LRRC74A: variants seen among roughly 807,000 people sequenced by gnomAD.
LRRC74A encodes leucine-rich repeat-containing protein 74A.
In LRRC74A, 44 loss-of-function variants were observed where a neutral mutation model predicts 57.9. That is an observed-to-expected ratio of 0.76 (90% confidence interval 0.60 to 0.98). The LOEUF (loss-of-function observed/expected upper bound fraction) is 0.98, where lower values mean the gene tolerates loss of function less well. Among genes scored for constraint, LRRC74A ranks in the 50% least tolerant of loss-of-function variants. The probability of loss-of-function intolerance (pLI) is 0.00; values close to 1 mark genes in which losing one functional copy is unlikely to be tolerated. For synonymous variants in LRRC74A, 211 were observed against 219.4 expected (o/e 0.96, Z 0.34); for missense variants, 572 against 574.0 (o/e 1.00, Z 0.04).
chr14:76,852,483 C>T (rs758209970), intron 8 of LRRC74A, 33 bp downstream of exon 8: 1 of 1,514,422 alleles, frequency 6.6e-7, no homozygotes, highest in Non-Finnish European at 9.1e-7. Flanking sequence ...TGTGTGGAGC[C>T]CAGTTGAGGA....
intron 11 of LRRC74A, 78 bp from the exon 12 acceptor site, chr14:76,865,890 T>G: frequency 5.2e-6 from 6 of 1,152,424 alleles, no homozygotes; most frequent in South Asian, 1.3e-5. Flanking sequence ...GGGCCGCTCT[T>G]TTGTGGGAGG....
In LRRC74A at chr14:76,866,091, G is replaced by A. The variant is rs1242600107; in HGVS notation, c.1308+16G>A. On this transcript the variant is annotated intron_variant, in intron 12 of 13. Coordinates refer to ENST00000689127, the MANE Select transcript of LRRC74A (RefSeq NM_001385106.1). ...GATGATAGAGGTGTGCTGGGTCCTA[G>A]TGGCAACAGGCTGTGTGTGAGTGTG... 1 of 1,480,408 alleles carries A rather than the reference G, an allele frequency of 6.8e-7. No homozygotes were observed. The highest frequency in any genetic ancestry group is 2.3e-5 in the East Asian group (1 of 43,010). 91.7% of individuals were successfully genotyped at this position (1,480,408 alleles called of 1,614,324 possible).
At chr14:76,862,089 G>GT (rs773058165) in intron 11 of LRRC74A, among the ~76,000 whole-genome samples, 1 of 152,246 alleles carries the variant, frequency 6.6e-6, no homozygotes, top group Non-Finnish European at 1.5e-5. Context: ...CTGATGCAAA[G>GT]TGGGGACCCC....
At chr14:76,845,452 A>G (rs1897058542) in intron 7 of LRRC74A, among the ~76,000 whole-genome samples, 1 of 152,196 alleles carries the variant, frequency 6.6e-6, no homozygotes, top group Admixed American at 6.5e-5. Context: ...ACACAGAAAC[A>G]ACTAACAACT....
At chr14:76,829,196 C>T (rs1895802568) in intron 2 of LRRC74A, 1 of 1,289,116 alleles carries the variant, frequency 7.8e-7, no homozygotes, top group South Asian at 1.2e-5. Flanking sequence ...CAAGCCTAGC[C>T]CAGTCACCCT....
At chr14:76,829,252 G>A (rs1895805766) in intron 2 of LRRC74A, 3 of 1,219,686 alleles carry the variant, frequency 2.5e-6, no homozygotes, top group Non-Finnish European at 3.2e-6. Flanking sequence ...GTGATTCACA[G>A]GCAGCAGAGA....
chr14:76,839,072 T>C (rs1177111761), intron 5 of LRRC74A, among the ~76,000 whole-genome samples: 1 of 152,270 alleles, frequency 6.6e-6, no homozygotes, highest in Non-Finnish European at 1.5e-5. Flanking sequence ...TACCATAGTT[T>C]ATTTAACATC....
chr14:76,865,552 C>A (rs1340117932), intron 11 of LRRC74A, among the ~76,000 whole-genome samples: 3 of 152,198 alleles, frequency 2.0e-5, no homozygotes, highest in Non-Finnish European at 2.9e-5. Context: ...CTCTGAACAT[C>A]CGCGCGCCAT....
chr14:76,852,475 T>C lies in LRRC74A; in HGVS notation c.762+25T>C, dbSNP rs190017456. On this transcript the variant is annotated intron_variant, in intron 8 of 13. Transcript: ENST00000689127. ...GGTAAGGCACTCTCCAGGAGTGATG[T>C]GTGGAGCCCAGTTGAGGACAGCCAG... is the stretch of plus-strand genomic sequence containing the variant. 239 of 1,545,670 alleles carry C rather than the reference T, an allele frequency of 1.5e-4. 5 individuals are homozygous for C. The East Asian group carries it at 2.0e-3, about 13-fold the overall frequency.
chr14:76,851,732 C>T (rs1283022457), intron 7 of LRRC74A, among the ~76,000 whole-genome samples: 6 of 149,550 alleles, frequency 4.0e-5, no homozygotes, highest in Non-Finnish European at 7.4e-5. Context: ...GTGGCGTGAT[C>T]TCCACTCACT....
rs572857982 is a variant in LRRC74A at position 76,859,547 on chromosome 14, A to G, written c.1054-1146A>G. Among the ~76,000 whole-genome samples, 162 of 151,530 alleles carry G rather than the reference A, an allele frequency of 1.1e-3. 2 individuals carry two copies. The highest frequency in any genetic ancestry group is 2.0e-3 in the Admixed American group (30 of 15,192). On this transcript the variant is annotated intron_variant, in intron 10 of 13. Transcript: ENST00000689127. The stretch of plus-strand genomic sequence containing the variant: ...GAAACTCCATCTCAAAAAAAAAAAA[A>G]AAAAGAAACATAAAAGAAATGGTGC...
intron 5 of LRRC74A, 56 bp downstream of exon 5, chr14:76,838,027 G>A: frequency 1.7e-6 from 2 of 1,166,400 alleles, no homozygotes; most frequent in Non-Finnish European, 2.5e-6. Context: ...AGGGAAGAGG[G>A]GAAAAACAGA....
intron 10 of LRRC74A, among the ~76,000 whole-genome samples, chr14:76,860,104 G>T (rs953759713): frequency 1.3e-5 from 2 of 152,096 alleles, no homozygotes; most frequent in Non-Finnish European, 2.9e-5. Context: ...TTAAACAGGG[G>T]TTTAATTCTT....
In LRRC74A at chr14:76,854,930, G is replaced by A. The variant is rs1271190113; in HGVS notation, c.957+1520G>A. ...TCTGTTAGCCCCACTTGTCAGATGA[G>A]AAAACTGAGGCTGTGTGATTGCTTA... On this transcript the variant is annotated intron_variant, in intron 9 of 13. Transcript: ENST00000689127. Among the ~76,000 whole-genome samples the A allele has an allele frequency of 2.6e-5, 4 of 152,154 alleles. No homozygotes were observed. The East Asian group carries it at 7.7e-4, about 29-fold the overall frequency.
At chr14:76,869,098 ACCTGCCCCG>A (rs1192537419) in intron 13 of LRRC74A, among the ~76,000 whole-genome samples, 5 of 53,576 alleles carry the variant, frequency 9.3e-5, no homozygotes, top group Admixed American at 2.1e-4. Flanking sequence ...GTGCCTCCTC[ACCTGCCCCG>A]TGCCTCCTCA....
chr14:76,844,511 G>A (rs1375434556), intron 6 of LRRC74A, 39 bp downstream of exon 6: 3 of 1,602,644 alleles, frequency 1.9e-6, no homozygotes, highest in African/African-American at 1.3e-5. Flanking sequence ...CGTGGGCGAT[G>A]TCCCTGGGAG....
chr14:76,865,133 A>T (rs889801674), intron 11 of LRRC74A, among the ~76,000 whole-genome samples: 17 of 152,226 alleles, frequency 1.1e-4, no homozygotes, highest in Non-Finnish European at 4.4e-5. Context: ...TTGCAACGTG[A>T]GTAATAATAC....
At chr14:76,838,669 AG>A (rs775636065) in intron 5 of LRRC74A, among the ~76,000 whole-genome samples, 27 of 152,262 alleles carry the variant, frequency 1.8e-4, no homozygotes, top group Non-Finnish European at 4.4e-5. Flanking sequence ...TATATAAAAA[AG>A]AATCCACACT....
At chr14:76,832,082 T>C (rs1476602187) in intron 3 of LRRC74A, among the ~76,000 whole-genome samples, 1 of 152,186 alleles carries the variant, frequency 6.6e-6, no homozygotes, top group Non-Finnish European at 1.5e-5. Context: ...TAGATGTGTC[T>C]TTAGAGGTGA....
Sources: gnomAD v4.1 joint callset for allele counts (sites outside exome capture counted in the v4.1 genomes callset) on GRCh38, gnomAD v4.1.1 for gene constraint, MANE v1.5 for transcripts, NCBI Gene and HGNC (gene_info 2026-07-23, HGNC 2026-07-21) for gene names.